CCSER1: variants seen among roughly 807,000 people sequenced by gnomAD.
CCSER1 encodes serine-rich coiled-coil domain-containing protein 1.
CCSER1 carries 41 observed loss-of-function variants against 82.0 expected under a neutral mutation model. That is an observed-to-expected ratio of 0.50 (90% CI 0.39 to 0.65). The LOEUF (loss-of-function observed/expected upper bound fraction) is 0.65, where lower values mean the gene tolerates loss of function less well. CCSER1 is among the 30% of genes least tolerant of loss of function. The pLI, the probability that CCSER1 is intolerant of heterozygous loss-of-function variation, is 0.00. For missense variants in CCSER1, 1,119 were observed against 1,064.2 expected, an observed-to-expected ratio of 1.05 and a Z score of -0.72; for synonymous variants, 414 against 383.9, an observed-to-expected ratio of 1.08 and a Z score of -0.92.
intron 9 of CCSER1, among the ~76,000 whole-genome samples, chr4:90,933,525 C>G (rs1277966299): frequency 6.6e-6 from 1 of 151,376 alleles, no homozygotes; most frequent in African/African-American, 2.4e-5. Flanking sequence ...AAAGATGCTA[C>G]AGACCCTAAT....
chr4:91,262,030 T>C (rs1379636785), intron 10 of CCSER1, among the ~76,000 whole-genome samples: 2 of 152,084 alleles, frequency 1.3e-5, no homozygotes, highest in Non-Finnish European at 2.9e-5. Flanking sequence ...TCCTGAATTA[T>C]AAAATGAAGG....
chr4:90,627,962 T>A, intron 5 of CCSER1, 63 bp from the exon 6 acceptor site: 1 of 1,269,646 alleles, frequency 7.9e-7, no homozygotes, highest in South Asian at 1.2e-5. Flanking sequence ...GATTAACAAC[T>A]TGGGAAATAC....
chr4:91,245,506 T>A (rs565230360), intron 10 of CCSER1, among the ~76,000 whole-genome samples: 1 of 151,970 alleles, frequency 6.6e-6, no homozygotes, highest in Non-Finnish European at 1.5e-5. Context: ...TTAAAATTGC[T>A]GAAGGAAAAA....
At chr4:90,505,050 A>G (rs1770486259) in intron 5 of CCSER1, among the ~76,000 whole-genome samples, 1 of 152,238 alleles carries the variant, frequency 6.6e-6, no homozygotes, top group African/African-American at 2.4e-5. Flanking sequence ...ACACAACAGG[A>G]GACATCTCAC....
chr4:90,775,412 C>G (rs1247245505), intron 7 of CCSER1, among the ~76,000 whole-genome samples: 2 of 152,078 alleles, frequency 1.3e-5, no homozygotes, highest in African/African-American at 4.8e-5. Flanking sequence ...AACAGTTTTA[C>G]AGTAAAAGAG....
chr4:90,393,435 A>C (rs368379425), intron 3 of CCSER1, among the ~76,000 whole-genome samples: 4 of 152,214 alleles, frequency 2.6e-5, no homozygotes, highest in African/African-American at 7.2e-5. Flanking sequence ...AGGTAGAATG[A>C]CTAGAAGAAT....
rs573818553 is a variant in CCSER1 at position 90,780,085 on chromosome 4, G to T, written c.2011-35677G>T. On this transcript the variant is annotated intron_variant, in intron 7 of 10. Transcript: ENST00000509176. ...TTCTATTTCAGCCACTTATAAGTAG[G>T]TATCTTTTTATTTACTGTCAAAAGA... Among the ~76,000 whole-genome samples, 18 of 152,180 alleles carry T rather than the reference G, an allele frequency of 1.2e-4. 1 individual carries two copies. The South Asian group carries it at 3.3e-3, about 28-fold the overall frequency.
chr4:91,003,657 A>C (rs1391735690), intron 9 of CCSER1, among the ~76,000 whole-genome samples: 1 of 152,044 alleles, frequency 6.6e-6, no homozygotes, highest in Non-Finnish European at 1.5e-5. Flanking sequence ...CAGCTATGAG[A>C]GCAGTTAGGG....
At chr4:91,408,875 G>A (rs1217854261) in intron 10 of CCSER1, among the ~76,000 whole-genome samples, 1 of 152,146 alleles carries the variant, frequency 6.6e-6, no homozygotes, top group Non-Finnish European at 1.5e-5. Context: ...AATTTCAGAT[G>A]AGTAAACCAA....
chr4:91,131,797 A>G (rs1728022119), intron 10 of CCSER1, among the ~76,000 whole-genome samples: 1 of 152,002 alleles, frequency 6.6e-6, no homozygotes, highest in Non-Finnish European at 1.5e-5. Context: ...TTTCTGATCT[A>G]TTTCAAAGTA....
chr4:90,401,555 A>G (rs1403245274), intron 4 of CCSER1, among the ~76,000 whole-genome samples: 1 of 152,174 alleles, frequency 6.6e-6, no homozygotes, highest in Non-Finnish European at 1.5e-5. Flanking sequence ...TTTGTTTGAA[A>G]CAAGGTCTGG....
chr4:90,706,560 A>G (rs1434642207), intron 6 of CCSER1, among the ~76,000 whole-genome samples: 1 of 152,228 alleles, frequency 6.6e-6, no homozygotes, highest in Admixed American at 6.5e-5. Context: ...TGCCTTCAGT[A>G]ATTAGGATTC....
chr4:91,576,192 A>G (rs1763445806), intron 10 of CCSER1, among the ~76,000 whole-genome samples: 2 of 152,164 alleles, frequency 1.3e-5, no homozygotes, highest in Middle Eastern at 3.4e-3. Flanking sequence ...TGTCTAAATC[A>G]ATATCTATAT....
At position 90,616,038 on chromosome 4, in the gene CCSER1, A is replaced by G. The variant is rs117958155; in HGVS notation, c.1725-11987A>G. On this transcript the variant is annotated intron_variant, in intron 5 of 10. Transcript: ENST00000509176. ...TCTCACTAGCAAAAGATTAGGACTC[A>G]TTGAAAGCTCAGGTGATTGTTAGAA... Among the ~76,000 whole-genome samples, 54 of 152,348 alleles carry G rather than the reference A, an allele frequency of 3.5e-4. 3 individuals carry two copies. The East Asian group carries it at 0.01, about 29-fold the overall frequency.
At chr4:90,779,219 T>C (rs898149659) in intron 7 of CCSER1, among the ~76,000 whole-genome samples, 5 of 152,220 alleles carry the variant, frequency 3.3e-5, no homozygotes, top group Non-Finnish European at 7.3e-5. Context: ...ATATTTCATC[T>C]ATACTAAATA....
chr4:90,752,790 A>G (rs1040150876), intron 7 of CCSER1, among the ~76,000 whole-genome samples: 1 of 152,046 alleles, frequency 6.6e-6, no homozygotes, highest in Admixed American at 6.6e-5. Flanking sequence ...TCATATATTC[A>G]ATTGCCTACT....
chr4:90,502,009 T>G (rs1393402009), intron 5 of CCSER1, among the ~76,000 whole-genome samples: 2 of 152,222 alleles, frequency 1.3e-5, no homozygotes, highest in Non-Finnish European at 2.9e-5. Context: ...CACAAAACTC[T>G]ACCATATATA....
intron 8 of CCSER1, among the ~76,000 whole-genome samples, chr4:90,874,416 TAGA>T (rs767080205): frequency 6.9e-6 from 1 of 144,532 alleles, no homozygotes; most frequent in African/African-American, 2.7e-5. Context: ...CTTTCAACTT[TAGA>T]AGAAGTTTTT....
chr4:90,860,493 T>C (rs2149981883), intron 8 of CCSER1, among the ~76,000 whole-genome samples: 1 of 151,782 alleles, frequency 6.6e-6, no homozygotes, highest in East Asian at 1.9e-4. Flanking sequence ...TGGTAATAGT[T>C]TCTACTTCTA....
Sources: gnomAD v4.1 joint callset for allele counts (sites outside exome capture counted in the v4.1 genomes callset) on GRCh38, gnomAD v4.1.1 for gene constraint, MANE v1.5 for transcripts, NCBI Gene and HGNC (gene_info 2026-07-23, HGNC 2026-07-21) for gene names.